EML6: variants seen among roughly 807,000 people sequenced by gnomAD.
EML6 encodes EMAP like 6.
In EML6, 154 loss-of-function variants were observed where a neutral mutation model predicts 240.1. The ratio of observed to expected loss-of-function variants is 0.64; its 90% CI spans 0.56 to 0.73. EML6 has a LOEUF of 0.73. Among genes scored for constraint, EML6 ranks in the 30% least tolerant of loss-of-function variants. The probability of loss-of-function intolerance (pLI) is 0.00; values close to 1 mark genes in which losing one functional copy is unlikely to be tolerated. For synonymous variants in EML6, 1,148 were observed against 899.0 expected (o/e 1.28, Z -4.95); for missense variants, 2,964 against 2,474.6 (o/e 1.20, Z -4.20).
intron 16 of EML6, among the ~76,000 whole-genome samples, chr2:54,876,143 T>C (rs1365930701): frequency 6.6e-6 from 1 of 152,170 alleles, no homozygotes; most frequent in East Asian, 1.9e-4. Flanking sequence ...GGACATTACC[T>C]AAGAGACTAA....
intron 2 of EML6, among the ~76,000 whole-genome samples, chr2:54,745,948 G>A (rs1259537512): frequency 1.3e-5 from 2 of 152,152 alleles, no homozygotes; most frequent in Admixed American, 6.5e-5. Context: ...AAACCAAATT[G>A]TAAGCCAAGG....
chr2:54,956,821 G>A (rs773249068), intron 32 of EML6, among the ~76,000 whole-genome samples: 3 of 151,904 alleles, frequency 2.0e-5, no homozygotes, highest in Non-Finnish European at 4.4e-5. Flanking sequence ...ACAAGAAATC[G>A]GAACAAAAAC....
intron 16 of EML6, 63 bp from the exon 17 acceptor site, chr2:54,879,484 A>G (rs990148765): frequency 1.1e-5 from 11 of 1,017,506 alleles, no homozygotes; most frequent in Non-Finnish European, 1.7e-5. Context: ...TCCTCTTTAC[A>G]GTGTATGAAA....
chr2:54,778,562 T>C (rs1007858860), intron 2 of EML6, among the ~76,000 whole-genome samples: 1 of 152,066 alleles, frequency 6.6e-6, no homozygotes, highest in African/African-American at 2.4e-5. Flanking sequence ...TTTCTTTTTA[T>C]TGTGGAAGAG....
intron 2 of EML6, among the ~76,000 whole-genome samples, chr2:54,792,942 A>G (rs951893255): frequency 6.6e-6 from 1 of 152,218 alleles, no homozygotes; most frequent in African/African-American, 2.4e-5. Context: ...AAGTTATAGC[A>G]TCTGAGCTTT....
chr2:54,901,082 G>A (rs1257558784), intron 22 of EML6, among the ~76,000 whole-genome samples: 1 of 152,212 alleles, frequency 6.6e-6, no homozygotes, highest in Admixed American at 6.5e-5. Flanking sequence ...TAATATGGCT[G>A]AGCCAACAAC....
chr2:54,919,076 A>G (rs1674081519), intron 26 of EML6, among the ~76,000 whole-genome samples: 1 of 152,102 alleles, frequency 6.6e-6, no homozygotes, highest in African/African-American at 2.4e-5. Flanking sequence ...TTACTGTATT[A>G]TTTCTGTGGT....
At position 54,846,923 on chromosome 2, in the gene EML6, A is replaced by ATTTTT. The variant is rs34352060; in HGVS notation, c.1050-554_1050-550dup. ...AAAGTAATATTTTGTATGAAGTAGT[A>ATTTTT]TTTTTTTTTTTTTGGAGACAGGGCC... On this transcript the variant is annotated intron_variant, in intron 8 of 41. Transcript: ENST00000356458. 6.5e-4 allele frequency among the ~76,000 whole-genome samples: 84 copies of ATTTTT among 129,934 alleles called. 5 individuals are homozygous for ATTTTT. Among genetic ancestry groups the ATTTTT allele is most frequent in the South Asian group, 5.3e-3 (19 of 3,572 alleles). The allele number at this position is 129,934 out of a possible 152,430, so 85.2% of individuals were successfully genotyped here. A position where few individuals can be genotyped will look rare whatever the true frequency, so the allele number is the denominator to read the frequency against.
chr2:54,845,939 C>G (rs1447723088), intron 8 of EML6, among the ~76,000 whole-genome samples: 1 of 152,198 alleles, frequency 6.6e-6, no homozygotes, highest in Non-Finnish European at 1.5e-5. Flanking sequence ...TTAAAAAGTA[C>G]TAATTGATGG....
At chr2:54,879,446 TTATC>T (rs1391439832) in intron 16 of EML6, 97 bp from the exon 17 acceptor site, 3 of 748,018 alleles carry the variant, frequency 4.0e-6, no homozygotes, top group Non-Finnish European at 6.8e-6. Context: ...CCTCAAATAT[TTATC>T]AGTTCTTAAG....
At chr2:54,749,915 C>T (rs774415175) in intron 2 of EML6, among the ~76,000 whole-genome samples, 11 of 152,300 alleles carry the variant, frequency 7.2e-5, no homozygotes, top group East Asian at 5.8e-4. Context: ...ACTCCCATCA[C>T]GGTATGTCCA....
chr2:54,781,357 C>A (rs541330114), intron 2 of EML6, among the ~76,000 whole-genome samples: 2 of 152,134 alleles, frequency 1.3e-5, no homozygotes, highest in African/African-American at 2.4e-5. Context: ...AAAAGTGATT[C>A]AGGTAAGAAG....
At position 54,964,579 on chromosome 2, in the gene EML6, C is replaced by T. The variant is rs1676666832; in HGVS notation, c.5339C>T (p.Pro1780Leu). ...KSAIQDIRISPDNRFLAVGSS... is the reference protein window; with the variant it reads ...KSAIQDIRISLDNRFLAVGSS... ...CGGATTGCTTTTTCTAGAATCAGCC[C>T]AGACAACCGATTCTTAGCCGTTGGT... Residue 1780 changes from proline (P) to leucine (L), a missense_variant, in exon 38 of 42, where the codon CCA becomes CTA. Transcript: ENST00000356458. The T allele has an allele frequency of 2.6e-6, 4 of 1,552,198 alleles. No individual in the cohort carries two copies. Among genetic ancestry groups the T allele is most frequent in the Non-Finnish European group, 3.5e-6 (4 of 1,147,116 alleles).
At chr2:54,894,201 TA>T (rs1672636384) in intron 19 of EML6, among the ~76,000 whole-genome samples, 1 of 122,838 alleles carries the variant, frequency 8.1e-6, no homozygotes, top group Non-Finnish European at 1.8e-5. Flanking sequence ...GCTTTTTTCT[TA>T]GAAAAAAAAA....
intron 6 of EML6, 93 bp from the exon 7 acceptor site, chr2:54,829,249 G>C (rs1352449616): frequency 5.5e-6 from 7 of 1,266,728 alleles, no homozygotes; most frequent in African/African-American, 4.5e-5. Flanking sequence ...TTTTGTTTTT[G>C]ACTTGCTATG....
intron 26 of EML6, among the ~76,000 whole-genome samples, chr2:54,919,373 T>C (rs1674104812): frequency 6.6e-6 from 1 of 152,214 alleles, no homozygotes; most frequent in East Asian, 1.9e-4. Flanking sequence ...TTGTACATTT[T>C]AACCTGAACA....
Position 54,846,498 on chromosome 2 carries a change from T to G in EML6, c.1050-988T>G, listed in dbSNP as rs947175231. On this transcript the variant is annotated intron_variant, in intron 8 of 41. Coordinates refer to ENST00000356458, the MANE Select transcript of EML6 (RefSeq NM_001039753.4). ...ATTGATACATAATTTTTTTTTTTTTTTTTGAGACAGGGCCTTGCTCTGTTT... is the reference window on the plus strand; with the variant it reads ...ATTGATACATAATTTTTTTTTTTTTGTTTGAGACAGGGCCTTGCTCTGTTT... 5.3e-5 allele frequency among the ~76,000 whole-genome samples: 8 copies of G among 151,596 alleles called. No individual in the cohort carries two copies. In the South Asian group the frequency reaches 1.7e-3, roughly 32 times the overall value.
chr2:54,864,642 A>C (rs1670868278), intron 13 of EML6, among the ~76,000 whole-genome samples: 1 of 152,250 alleles, frequency 6.6e-6, no homozygotes, highest in Non-Finnish European at 1.5e-5. Flanking sequence ...AGATACATGA[A>C]CTGTAAGTGT....
chr2:54,871,256 AG>A (rs1671241057), intron 15 of EML6, among the ~76,000 whole-genome samples: 1 of 152,216 alleles, frequency 6.6e-6, no homozygotes, highest in African/African-American at 2.4e-5. Context: ...TTAGCCTTAA[AG>A]GCCCAGGCAT....
Sources: allele counts gnomAD v4.1 joint callset (sites outside exome capture counted in the v4.1 genomes callset), GRCh38; gene constraint gnomAD v4.1.1; transcripts MANE v1.5; gene names NCBI Gene and HGNC (gene_info 2026-07-23, HGNC 2026-07-21).